The following SLC9A9 variants were observed in gnomAD, a reference collection of about 807,000 sequenced individuals.
SLC9A9 encodes the protein solute carrier family 9 member A9.
Under a neutral mutation model 77.8 loss-of-function variants are expected in SLC9A9, and 62 were observed. The ratio of observed to expected loss-of-function variants is 0.80; its 90% CI spans 0.65 to 0.98. The LOEUF (loss-of-function observed/expected upper bound fraction) is 0.98, where lower values mean the gene tolerates loss of function less well. Among genes scored for constraint, SLC9A9 ranks in the 50% least tolerant of loss-of-function variants. The pLI is 0.00. For missense variants in SLC9A9, 775 were observed against 774.9 expected, an observed-to-expected ratio of 1.00 and a Z score of 0.00; for synonymous variants, 320 against 283.5, an observed-to-expected ratio of 1.13 and a Z score of -1.29.
chr3:143,700,565 G>A (rs1933767872), intron 4 of SLC9A9, among the ~76,000 whole-genome samples: 1 of 152,224 alleles, frequency 6.6e-6, no homozygotes. Context: ...TGACCATGGG[G>A]TGAGGTCCCT....
chr3:143,778,420 T>C (rs1021139802), intron 4 of SLC9A9, among the ~76,000 whole-genome samples: 1 of 152,220 alleles, frequency 6.6e-6, no homozygotes, highest in Admixed American at 6.5e-5. Context: ...GTTTTTGGAA[T>C]TTTAAAACAA....
At chr3:143,794,938 G>T in intron 4 of SLC9A9, 63 bp downstream of exon 4, 1 of 1,406,024 alleles carries the variant, frequency 7.1e-7, no homozygotes, top group Non-Finnish European at 1.0e-6. Flanking sequence ...GGAAGTGTTA[G>T]ATCCCTCACA....
chr3:143,665,964 C>T (rs1194134484), intron 5 of SLC9A9, among the ~76,000 whole-genome samples: 1 of 152,194 alleles, frequency 6.6e-6, no homozygotes, highest in Non-Finnish European at 1.5e-5. Flanking sequence ...AGACGGAATC[C>T]TTCCTAACTC....
At chr3:143,700,953 A>G (rs1475685837) in intron 4 of SLC9A9, among the ~76,000 whole-genome samples, 2 of 152,238 alleles carry the variant, frequency 1.3e-5, no homozygotes, top group Admixed American at 1.3e-4. Flanking sequence ...GCAGCTTAGA[A>G]CAGAGCAAGG....
chr3:143,266,941 AAG>A lies in SLC9A9; in HGVS notation c.1711-14_1711-13del, dbSNP rs779569567. ...TCTTTTAGCTGTTCCTGGTTGGGAA[AAG>A]AGAGAGAGGTGTCACTTCATGATGA... is the stretch of plus-strand genomic sequence containing the variant. On this transcript the variant is annotated splice_polypyrimidine_tract_variant and intron_variant, in intron 15 of 15. Coordinates refer to ENST00000316549, the MANE Select transcript of SLC9A9 (RefSeq NM_173653.4). The A allele has an allele frequency of 2.8e-5, 45 of 1,613,610 alleles. 2 individuals carry two copies. In the South Asian group the frequency reaches 4.4e-4, roughly 16 times the overall value.
rs114191095 is a variant in SLC9A9 at position 143,361,018 on chromosome 3, G to T, written c.1604+2466C>A. On this transcript the variant is annotated intron_variant, in intron 14 of 15. Transcript: ENST00000316549. The stretch of plus-strand genomic sequence containing the variant: ...GCTTTTCTGAGGAAGAAAGAATTCT[G>T]CCTAAGGACTGCAGTATTAGCTCTT... 7.7e-3 allele frequency among the ~76,000 whole-genome samples: 1,173 copies of T among 152,304 alleles called. 14 individuals are homozygous for T. The highest frequency in any genetic ancestry group is 0.026 in the African/African-American group (1,079 of 41,556).
intron 5 of SLC9A9, among the ~76,000 whole-genome samples, chr3:143,664,580 G>A (rs1005990903): frequency 1.3e-5 from 2 of 152,132 alleles, no homozygotes; most frequent in African/African-American, 4.8e-5. Context: ...GTATTCAGGA[G>A]ACCCATCTCA....
At chr3:143,364,549 G>A (rs544474870) in intron 13 of SLC9A9, among the ~76,000 whole-genome samples, 22 of 152,254 alleles carry the variant, frequency 1.4e-4, no homozygotes, top group African/African-American at 5.3e-4. Context: ...GCCCTTAGAT[G>A]AGCTCATATT....
Position 143,574,068 on chromosome 3 carries a change from G to C in SLC9A9, c.1000+20C>G, listed in dbSNP as rs1230497649. On this transcript the variant is annotated intron_variant, in intron 8 of 15. Coordinates refer to ENST00000316549, the MANE Select transcript of SLC9A9 (RefSeq NM_173653.4). ...CACATATTCACACATCCAGTTGGCT[G>C]TGCAGCATGAAGCACTGACCTGTTA... 1 of 1,604,866 alleles carries C rather than the reference G, an allele frequency of 6.2e-7. No homozygotes were observed. Among genetic ancestry groups the C allele is most frequent in the East Asian group, 2.2e-5 (1 of 44,716 alleles).
chr3:143,382,822 T>C (rs1426085579), intron 12 of SLC9A9, among the ~76,000 whole-genome samples: 6 of 152,262 alleles, frequency 3.9e-5, no homozygotes, highest in African/African-American at 1.4e-4. Context: ...AATTTTTGCC[T>C]ACTGACTTTG....
chr3:143,403,629 T>C (rs1410520622), intron 12 of SLC9A9, among the ~76,000 whole-genome samples: 2 of 152,242 alleles, frequency 1.3e-5, no homozygotes, highest in Non-Finnish European at 2.9e-5. Flanking sequence ...TTCTTGCTGA[T>C]AGTTTTTTAA....
At chr3:143,728,632 C>G (rs1047948966) in intron 4 of SLC9A9, among the ~76,000 whole-genome samples, 2 of 151,976 alleles carry the variant, frequency 1.3e-5, no homozygotes, top group African/African-American at 4.8e-5. Context: ...GCTGTGGCTG[C>G]TGAGTGGAAG....
At chr3:143,380,548 T>C (rs2033279732) in intron 13 of SLC9A9, among the ~76,000 whole-genome samples, 1 of 152,234 alleles carries the variant, frequency 6.6e-6, no homozygotes, top group Non-Finnish European at 1.5e-5. Context: ...CAGACATTAC[T>C]GACTATTCAT....
chr3:143,735,018 A>T (rs917392034), intron 4 of SLC9A9, among the ~76,000 whole-genome samples: 5 of 152,224 alleles, frequency 3.3e-5, no homozygotes, highest in Non-Finnish European at 7.3e-5. Context: ...GAATCCATTT[A>T]AGAAATGAGA....
chr3:143,605,742 C>T (rs1019458250), intron 6 of SLC9A9, among the ~76,000 whole-genome samples: 11 of 152,104 alleles, frequency 7.2e-5, no homozygotes, highest in African/African-American at 2.7e-4. Context: ...AATTTGTTTT[C>T]GGTGACCTTA....
intron 6 of SLC9A9, among the ~76,000 whole-genome samples, chr3:143,581,110 G>A (rs2037444691): frequency 6.6e-6 from 1 of 152,172 alleles, no homozygotes; most frequent in Non-Finnish European, 1.5e-5. Flanking sequence ...CGGTACAAAG[G>A]GGAAAAGGGG....
At chr3:143,403,280 T>C (rs2033903250) in intron 12 of SLC9A9, among the ~76,000 whole-genome samples, 1 of 152,196 alleles carries the variant, frequency 6.6e-6, no homozygotes, top group African/African-American at 2.4e-5. Flanking sequence ...CTTATTCCAC[T>C]ATAGCTTCCT....
intron 5 of SLC9A9, among the ~76,000 whole-genome samples, chr3:143,669,024 C>A (rs2039119164): frequency 6.6e-6 from 1 of 152,148 alleles, no homozygotes; most frequent in South Asian, 2.1e-4. Context: ...TGGCTGCTCT[C>A]CCATCCTAGG....
At chr3:143,578,184 C>G (rs532294702) in intron 7 of SLC9A9, among the ~76,000 whole-genome samples, 2 of 152,308 alleles carry the variant, frequency 1.3e-5, no homozygotes, top group East Asian at 1.9e-4. Flanking sequence ...GAAAAAGAGG[C>G]AGATCATACC....
Sources: allele counts gnomAD v4.1 joint callset (sites outside exome capture counted in the v4.1 genomes callset), GRCh38; gene constraint gnomAD v4.1.1; transcripts MANE v1.5; gene names NCBI Gene and HGNC (gene_info 2026-07-23, HGNC 2026-07-21).